The following CCDC33 variants were observed in gnomAD, a reference collection of about 807,000 sequenced individuals.
CCDC33 encodes the protein coiled-coil domain-containing protein 33.
A neutral mutation model predicts 91.9 loss-of-function variants in CCDC33; 94 were observed. The observed-to-expected ratio is 1.02, with a 90% CI of 0.87 to 1.21. CCDC33 has a LOEUF of 1.21. Among genes scored for constraint, CCDC33 ranks in the 50% most tolerant of loss-of-function variants. The pLI, the probability that CCDC33 is intolerant of heterozygous loss-of-function variation, is 0.00. For synonymous variants in CCDC33, 396 were observed against 374.5 expected, an observed-to-expected ratio of 1.06 and a Z score of -0.66; for missense variants, 940 against 935.5, an observed-to-expected ratio of 1.00 and a Z score of -0.06.
chr15:74,222,318 C>T (rs1018142400), intron 2 of CCDC33, among the ~76,000 whole-genome samples: 1 of 152,144 alleles, frequency 6.6e-6, no homozygotes, highest in Non-Finnish European at 1.5e-5. Flanking sequence ...GTTTGTAGCT[C>T]TGGGAGCCAT....
rs146206827 is a variant in CCDC33, at chr15:74,261,066, T to C, written c.186-1374T>C. Among the ~76,000 whole-genome samples the C allele has an allele frequency of 5.6e-3, 858 of 152,148 alleles. 5 individuals carry two copies. The highest frequency in any genetic ancestry group is 0.051 in the Middle Eastern group (15 of 294). ...CTAACATCACACAGCTGGCACGGGG[T>C]AGAGCTGGGATTTGGAACCCAAAAT... is the stretch of plus-strand genomic sequence containing the variant. On this transcript the variant is annotated intron_variant, in intron 2 of 18. Transcript: ENST00000398814.
chr15:74,235,178 C>T (rs1365089207), upstream of CCDC33, among the ~76,000 whole-genome samples: 1 of 152,214 alleles, frequency 6.6e-6, no homozygotes, highest in African/African-American at 2.4e-5. Flanking sequence ...CCACTCTTGG[C>T]AGGCCTAGAC....
intron 1 of CCDC33, chr15:74,243,635 G>A (rs2075418738): frequency 2.4e-5 from 11 of 458,326 alleles, no homozygotes; most frequent in Non-Finnish European, 4.4e-5. Context: ...GCTAGAGGGT[G>A]GCAGTGAAGG....
intron 11 of CCDC33, among the ~76,000 whole-genome samples, chr15:74,320,688 G>A (rs1596115043): frequency 6.6e-6 from 1 of 152,122 alleles, no homozygotes; most frequent in Non-Finnish European, 1.5e-5. Flanking sequence ...CCACCCCCAG[G>A]GCAATGCCAC....
intron 16 of CCDC33, 168 bp downstream of exon 16, chr15:74,333,013 G>A (rs936762227): frequency 6.1e-6 from 5 of 814,490 alleles, no homozygotes; most frequent in Admixed American, 5.6e-5. Flanking sequence ...TTTTTCTCCT[G>A]CGGAATGTGT....
upstream of CCDC33, chr15:74,213,331 C>T (rs2074386157): frequency 6.6e-6 from 1 of 152,256 alleles, no homozygotes; most frequent in Non-Finnish European, 1.5e-5. Flanking sequence ...AATGCATGCT[C>T]AGAGGGGCCA....
chr15:74,284,875 C>T (rs573755607), intron 10 of CCDC33, among the ~76,000 whole-genome samples: 187 of 152,390 alleles, frequency 1.2e-3, no homozygotes, highest in African/African-American at 4.3e-3. Context: ...TGGTATTCAT[C>T]TCTGCATCCT....
upstream of CCDC33, among the ~76,000 whole-genome samples, chr15:74,235,681 C>T (rs1054370128): frequency 2.9e-4 from 44 of 152,168 alleles, no homozygotes; most frequent in Admixed American, 8.5e-4. Context: ...CCCTGCCTGG[C>T]GTGCAGCAAA....
intron 11 of CCDC33, among the ~76,000 whole-genome samples, chr15:74,306,089 A>G (rs906923674): frequency 2.0e-5 from 3 of 152,178 alleles, no homozygotes; most frequent in African/African-American, 7.2e-5. Context: ...GACGGAAGGC[A>G]GCACAACTCA....
chr15:74,322,260 G>A (rs1008116062), intron 11 of CCDC33, among the ~76,000 whole-genome samples: 4 of 152,156 alleles, frequency 2.6e-5, no homozygotes, highest in South Asian at 2.1e-4. Flanking sequence ...ACTCAGCCAC[G>A]GCACAGCAGG....
chr15:74,239,125 C>T (rs1325990611), intron 1 of CCDC33, among the ~76,000 whole-genome samples: 2 of 152,226 alleles, frequency 1.3e-5, no homozygotes, highest in African/African-American at 4.8e-5. Context: ...CAGCCAGGCA[C>T]CCTGCCTCCC....
chr15:74,305,250 A>G (rs1320867667), intron 11 of CCDC33, among the ~76,000 whole-genome samples: 1 of 152,080 alleles, frequency 6.6e-6, no homozygotes, highest in Non-Finnish European at 1.5e-5. Context: ...CCTGGCCTAA[A>G]CCTGCTTCTG....
At chr15:74,256,156 T>G (rs1266151206) in intron 2 of CCDC33, among the ~76,000 whole-genome samples, 2 of 152,150 alleles carry the variant, frequency 1.3e-5, no homozygotes, top group African/African-American at 4.8e-5. Flanking sequence ...ACTCATCCTT[T>G]GCCCACAGTC....
At chr15:74,285,565 C>T (rs563973090) in intron 10 of CCDC33, among the ~76,000 whole-genome samples, 5 of 151,964 alleles carry the variant, frequency 3.3e-5, no homozygotes, top group Non-Finnish European at 5.9e-5. Context: ...TGGCTTTGCC[C>T]CCGAGGCTGC....
chr15:74,308,825 A>T (rs1213614622), intron 11 of CCDC33, among the ~76,000 whole-genome samples: 1 of 151,944 alleles, frequency 6.6e-6, no homozygotes, highest in Non-Finnish European at 1.5e-5. Flanking sequence ...TGACAGCTGG[A>T]CCCTCTCAGA....
At position 74,330,273 on chromosome 15, in the gene CCDC33, G is replaced by A. The variant is rs767314285; in HGVS notation, c.1375G>A (p.Glu459Lys). 2.5e-6 allele frequency: 4 copies of A among 1,612,848 alleles called. No individual in the cohort carries two copies. The South Asian group carries it at 4.4e-5, about 18-fold the overall frequency. The change falls in exon 12 of 19, where the codon GAG becomes AAG. Residue 459 changes from glutamate (E) to lysine (K), a missense_variant. Glu to Lys is a moderately conservative substitution (Grantham distance 56). Coordinates refer to ENST00000398814, the MANE Select transcript of CCDC33 (RefSeq NM_025055.5). ...GAGACAGGCCAGCATCCTGGAAGGA[G>A]AGAACCGCATACTGAGGAGCCGCCT... is the stretch of plus-strand genomic sequence containing the variant. ...LRRQASILEG[E>K]NRILRSRLAQ...
intron 18 of CCDC33, chr15:74,335,294 A>C (rs1596152100): frequency 1.6e-6 from 1 of 625,324 alleles, no homozygotes; most frequent in Non-Finnish European, 2.9e-6. Context: ...GGAACAGAAA[A>C]CCCCTGCCAA....
At position 74,218,796 on chromosome 15, in the gene CCDC33, C is replaced by T. The variant is rs1195902127; in HGVS notation, c.610C>T (p.Pro204Ser). The T allele has an allele frequency of 2.3e-6, 3 of 1,285,994 alleles. No homozygotes were observed. In the African/African-American group the frequency reaches 4.6e-5, roughly 20 times the overall value. The allele number at this position is 1,285,994 out of a possible 1,614,324, so 79.7% of individuals were successfully genotyped here. A position where few individuals can be genotyped will look rare whatever the true frequency, so the allele number is the denominator to read the frequency against. Residue 204 changes from proline to serine, a missense_variant, in exon 2 of 3, where the codon CCT becomes TCT. Coordinates refer to the CCDC33 transcript ENST00000635913. The surrounding 1 kb of genome is among the most constrained non-coding windows in gnomAD (Gnocchi z 4.8). ...CCCTCAGCCTCCAGTCTCAGACAGC[C>T]CTCCCAGGGCTGGCCAGCCAGAACT...
At chr15:74,209,676 A>G (rs911214416) in intron 2 of CCDC33, 1 of 533,624 alleles carries the variant, frequency 1.9e-6, no homozygotes, top group Admixed American at 3.3e-5. Context: ...GCTGCTGGAC[A>G]GTCGGCTGCA....
Sources: allele counts gnomAD v4.1 joint callset (sites outside exome capture counted in the v4.1 genomes callset), GRCh38; gene constraint gnomAD v4.1.1; non-coding constraint Gnocchi (gnomAD v3.1); transcripts MANE v1.5; gene names NCBI Gene and HGNC (gene_info 2026-07-23, HGNC 2026-07-21).